The following RBM20 variants were observed in gnomAD, a reference collection of about 807,000 sequenced individuals.
The protein encoded by RBM20 is RNA-binding protein 20.
A neutral mutation model predicts 110.1 loss-of-function variants in RBM20; 51 were observed. That is an observed-to-expected ratio of 0.46 (90% CI 0.37 to 0.59). The LOEUF (loss-of-function observed/expected upper bound fraction) is 0.59. Among genes scored for constraint, RBM20 ranks in the 20% least tolerant of loss-of-function variants. RBM20 has a pLI of 0.00. For missense variants in RBM20, 1,512 were observed against 1,574.9 expected (o/e 0.96, Z 0.68); for synonymous variants, 589 against 618.2 (o/e 0.95, Z 0.70).
In RBM20 at chr10:110,656,560, C is replaced by T. The variant is rs145690099; in HGVS notation, c.191+11915C>T. 1.7e-4 allele frequency among the ~76,000 whole-genome samples: 26 copies of T among 152,324 alleles called. 1 individual carries two copies. In the East Asian group the frequency reaches 4.2e-3, roughly 25 times the overall value. Reference sequence around the variant, plus strand: ...TCACAGTGTTATGCAACCATCACCACTCTCCAGTACCAAAATGGTTGCATT... The same window carrying T: ...TCACAGTGTTATGCAACCATCACCATTCTCCAGTACCAAAATGGTTGCATT... On this transcript the variant is annotated intron_variant, in intron 1 of 13. Transcript: ENST00000369519.
intron 12 of RBM20, among the ~76,000 whole-genome samples, chr10:110,829,890 C>T (rs1845027557): frequency 1.3e-5 from 2 of 152,170 alleles, no homozygotes; most frequent in African/African-American, 4.8e-5. Context: ...AAACCATTGC[C>T]CAGCCCCAGC....
intron 5 of RBM20, among the ~76,000 whole-genome samples, chr10:110,797,011 C>G (rs766324003): frequency 1.3e-5 from 2 of 152,142 alleles, no homozygotes; most frequent in Non-Finnish European, 2.9e-5. Context: ...GCTCTGTATA[C>G]TTTGTTTTAT....
Position 110,780,906 on chromosome 10 carries a change from C to T in RBM20, c.297C>T (p.Thr99=). The T allele has an allele frequency of 6.4e-7, 1 of 1,551,698 alleles. No homozygotes were observed. The highest frequency in any genetic ancestry group is 8.7e-7 in the Non-Finnish European group (1 of 1,146,956). The change falls in exon 2 of 14, where the codon ACC becomes ACT. Residue 99 remains threonine, a synonymous_variant. Coordinates refer to ENST00000369519, the MANE Select transcript of RBM20 (RefSeq NM_001134363.3). ...TGGCTCAACTGCAGGCCCAGCTCAC[C>T]CTCCACCGGCTGAAGCTGGCACAGA... is the stretch of plus-strand genomic sequence containing the variant. ...LQLAQLQAQL[T]LHRLKLAQTA... is the part of the protein sequence containing the mutation.
chr10:110,658,697 G>A (rs1862060289), intron 1 of RBM20, among the ~76,000 whole-genome samples: 1 of 151,992 alleles, frequency 6.6e-6, no homozygotes, highest in Non-Finnish European at 1.5e-5. Context: ...AAGCCCTGCT[G>A]TGGCTTCTCC....
At chr10:110,648,710 G>GA in intron 1 of RBM20, among the ~76,000 whole-genome samples, 1 of 48,302 alleles carries the variant, frequency 2.1e-5, no homozygotes. Flanking sequence ...CAACAGGGAA[G>GA]AAAAGGGGGG....
In RBM20 at chr10:110,666,591, A is replaced by G. The variant is rs1430794590; in HGVS notation, c.191+21946A>G. ...AGCCCAGGAATTTGAGGCTGCAGTG[A>G]GCTATGATTATACCACTGCACTCCA... is the stretch of plus-strand genomic sequence containing the variant. On this transcript the variant is annotated intron_variant, in intron 1 of 13. Coordinates refer to ENST00000369519, the MANE Select transcript of RBM20 (RefSeq NM_001134363.3). Among the ~76,000 whole-genome samples, 6 of 152,296 alleles carry G rather than the reference A, an allele frequency of 3.9e-5. No individual in the cohort carries two copies. In the South Asian group the frequency reaches 1.0e-3, roughly 26 times the overall value.
At chr10:110,824,581 G>A (rs1844959867) in intron 12 of RBM20, among the ~76,000 whole-genome samples, 1 of 152,186 alleles carries the variant, frequency 6.6e-6, no homozygotes, top group South Asian at 2.1e-4. Flanking sequence ...TGTTGGGAAT[G>A]AAGTGGGGAG....
At chr10:110,726,595 C>A (rs1032737310) in intron 1 of RBM20, among the ~76,000 whole-genome samples, 1 of 152,202 alleles carries the variant, frequency 6.6e-6, no homozygotes, top group African/African-American at 2.4e-5. Context: ...CTAACACCCG[C>A]TTCTTTGGTT....
chr10:110,756,658 T>G (rs1225232443), intron 1 of RBM20: 1 of 152,262 alleles, frequency 6.6e-6, no homozygotes, highest in Non-Finnish European at 1.5e-5. Context: ...ATTGTGCTTC[T>G]CTGTTTAAGA....
Position 110,647,886 on chromosome 10 carries a change from G to A in RBM20, c.191+3241G>A, listed in dbSNP as rs558822026. ...AATGAAAACAGAGCCACTCAATTCC[G>A]TGTGAAATGTTGAAGTTAGCTGTCA... On this transcript the variant is annotated intron_variant, in intron 1 of 13. Transcript: ENST00000369519. 5.6e-3 allele frequency among the ~76,000 whole-genome samples: 846 copies of A among 152,238 alleles called. 9 individuals are homozygous for A. Among genetic ancestry groups the A allele is most frequent in the Middle Eastern group, 0.014 (4 of 294 alleles).
At chr10:110,799,944 T>G in intron 7 of RBM20, 26 bp downstream of exon 7, 1 of 1,550,314 alleles carries the variant, frequency 6.5e-7, no homozygotes, top group South Asian at 1.2e-5. Flanking sequence ...GCTCATTCAG[T>G]CATTCAACAA....
Position 110,781,446 on chromosome 10 carries a change from C to T in RBM20, c.837C>T (p.Ser279=). 4.5e-6 allele frequency: 7 copies of T among 1,551,572 alleles called. No homozygotes were observed. The highest frequency in any genetic ancestry group is 6.1e-6 in the Non-Finnish European group (7 of 1,147,002). Residue 279 remains serine, a synonymous_variant, in exon 2 of 14, where the codon TCC becomes TCT. Transcript: ENST00000369519. ...HTGQDGQAAF[S]KDFYGPNSQG... Reference sequence around the variant, plus strand: ...GGCAGGATGGTCAAGCTGCCTTTTCCAAAGATTTTTACGGACCCAACTCCC... The same window carrying T: ...GGCAGGATGGTCAAGCTGCCTTTTCTAAAGATTTTTACGGACCCAACTCCC...
Position 110,735,590 on chromosome 10 carries a change from G to A in RBM20, c.192-45211G>A, listed in dbSNP as rs150761914. 1.3e-3 allele frequency among the ~76,000 whole-genome samples: 195 copies of A among 152,280 alleles called. 1 individual carries two copies. The highest frequency in any genetic ancestry group is 4.5e-3 in the African/African-American group (189 of 41,546). ...TGACAGTGCTGCAGTGAGGATCCTT[G>A]CACACCCATCTTGGCATGTATGTAT... On this transcript the variant is annotated intron_variant, in intron 1 of 13. Transcript: ENST00000369519.
intron 1 of RBM20, among the ~76,000 whole-genome samples, chr10:110,714,967 C>T (rs1433532183): frequency 6.6e-6 from 1 of 152,042 alleles, no homozygotes; most frequent in African/African-American, 2.4e-5. Context: ...TAATTTATTG[C>T]CTGGGAGCAT....
chr10:110,790,561 A>AAAT (rs1844471315), intron 5 of RBM20, among the ~76,000 whole-genome samples: 1 of 152,256 alleles, frequency 6.6e-6, no homozygotes, highest in Non-Finnish European at 1.5e-5. Flanking sequence ...CTTTTGTTAT[A>AAAT]AGTATATATC....
chr10:110,778,897 C>T (rs146974556), intron 1 of RBM20, among the ~76,000 whole-genome samples: 99 of 152,346 alleles, frequency 6.5e-4, no homozygotes, highest in African/African-American at 2.3e-3. Flanking sequence ...ATGAAAGACA[C>T]ATGTCAGACG....
intron 1 of RBM20, among the ~76,000 whole-genome samples, chr10:110,741,000 T>C (rs1283296694): frequency 6.6e-6 from 1 of 152,168 alleles, no homozygotes; most frequent in Non-Finnish European, 1.5e-5. Context: ...GTTTTTTCTT[T>C]TTGATTGGGT....
At chr10:110,717,466 G>A (rs1321500515) in intron 1 of RBM20, among the ~76,000 whole-genome samples, 1 of 152,148 alleles carries the variant, frequency 6.6e-6, no homozygotes, top group Non-Finnish European at 1.5e-5. Flanking sequence ...TGGGTGACAG[G>A]CCCCCAAGAA....
chr10:110,718,552 T>C (rs1226884399), intron 1 of RBM20, among the ~76,000 whole-genome samples: 1 of 136,264 alleles, frequency 7.3e-6, no homozygotes, highest in Non-Finnish European at 1.6e-5. Context: ...TCTATAACTT[T>C]TTTAGTTTTT....
Sources: allele counts gnomAD v4.1 joint callset (sites outside exome capture counted in the v4.1 genomes callset), GRCh38; gene constraint gnomAD v4.1.1; transcripts MANE v1.5; gene names NCBI Gene and HGNC (gene_info 2026-07-23, HGNC 2026-07-21).